Variants in FBLN5 observed in about 807,000 individuals in gnomAD.
FBLN5 encodes the protein fibulin-5.
In FBLN5, 24 loss-of-function variants were observed where a neutral mutation model predicts 61.6. That is an observed-to-expected ratio of 0.39 (90% CI 0.28 to 0.55). The LOEUF is 0.55. Ranked by LOEUF, FBLN5 falls within the 20% of genes least tolerant of loss-of-function variation. FBLN5 has a pLI of 0.65. For synonymous variants in FBLN5, 213 were observed against 219.8 expected (o/e 0.97, Z 0.27); for missense variants, 470 against 594.1 (o/e 0.79, Z 2.17).
At chr14:91,881,235 C>G in intron 9 of FBLN5, 57 bp downstream of exon 9, 1 of 1,609,018 alleles carries the variant, frequency 6.2e-7, no homozygotes, top group Non-Finnish European at 8.5e-7. Flanking sequence ...ACACCTCCAA[C>G]CTCCTGAGCC....
At chr14:91,936,821 G>A in intron 4 of FBLN5, 126 bp downstream of exon 4, 1 of 1,119,990 alleles carries the variant, frequency 8.9e-7, no homozygotes. Flanking sequence ...AGTATGCAGA[G>A]AGTAAGTCAT....
chr14:91,882,688 C>A lies in FBLN5; in HGVS notation c.862+266G>T, dbSNP rs1374501520. Reference sequence around the variant, plus strand: ...GGAGGCAGAAAGCCACGCTTAGAGGCTGCCGTCTGCATCTGCAGAGTTCAT... The same window carrying A: ...GGAGGCAGAAAGCCACGCTTAGAGGATGCCGTCTGCATCTGCAGAGTTCAT... On this transcript the variant is annotated intron_variant, in intron 8 of 10. Coordinates refer to ENST00000342058, the MANE Select transcript of FBLN5 (RefSeq NM_006329.4). This position sits in a 1 kb window ranked among gnomAD's most constrained non-coding sequence, Gnocchi z 4.9. 6.6e-6 allele frequency among the ~76,000 whole-genome samples: 1 copy of A among 152,220 alleles called. No homozygotes were observed. Among genetic ancestry groups the A allele is most frequent in the Admixed American group, 6.5e-5 (1 of 15,284 alleles).
chr14:91,895,574 G>A (rs1474663217), intron 4 of FBLN5, among the ~76,000 whole-genome samples: 2 of 151,930 alleles, frequency 1.3e-5, no homozygotes, highest in Admixed American at 1.3e-4. Context: ...TGAGATGGGT[G>A]GATCATCTGA....
chr14:91,903,446 A>G (rs1290640038), intron 4 of FBLN5, among the ~76,000 whole-genome samples: 1 of 152,218 alleles, frequency 6.6e-6, no homozygotes, highest in Non-Finnish European at 1.5e-5. Flanking sequence ...AGGAGAAAGG[A>G]CAACATACTT....
chr14:91,911,236 C>T (rs1169426813), intron 4 of FBLN5, among the ~76,000 whole-genome samples: 1 of 152,192 alleles, frequency 6.6e-6, no homozygotes. Context: ...CCGCCCACCT[C>T]AGCCTCCCAA....
rs1194061735 is a variant in FBLN5 at position 91,929,232 on chromosome 14, T to TC, written c.379+7714dup. Among the ~76,000 whole-genome samples, 3 of 152,158 alleles carry TC rather than the reference T, an allele frequency of 2.0e-5. No individual in the cohort carries two copies. In the East Asian group the frequency reaches 5.8e-4, roughly 29 times the overall value. On this transcript the variant is annotated intron_variant, in intron 4 of 10. Transcript: ENST00000342058. The stretch of plus-strand genomic sequence containing the variant: ...AGGTTTCAAAACATTTCAAAATACT[T>TC]CCAAGTATTTCAAAATAACTGCCAC...
chr14:91,884,308 C>T lies in FBLN5; in HGVS notation c.740-1232G>A, dbSNP rs542632406. Among the ~76,000 whole-genome samples, 9 of 152,280 alleles carry T rather than the reference C, an allele frequency of 5.9e-5. No homozygotes were observed. In the East Asian group the frequency reaches 1.4e-3, roughly 23 times the overall value. On this transcript the variant is annotated intron_variant, in intron 7 of 10. Coordinates refer to ENST00000342058, the MANE Select transcript of FBLN5 (RefSeq NM_006329.4). ...TCAGGTAATATCTGATTTGGTTGTG[C>T]CTCCCCGCCTCCCCTAGAAGCCTTG...
At chr14:91,908,559 T>C (rs917744369) in intron 4 of FBLN5, among the ~76,000 whole-genome samples, 5 of 152,180 alleles carry the variant, frequency 3.3e-5, no homozygotes, top group African/African-American at 1.2e-4. Flanking sequence ...CCCAGAGCCC[T>C]GAAAGGAGGA....
chr14:91,883,353 T>C lies in FBLN5; in HGVS notation c.740-277A>G, dbSNP rs567197040. Among the ~76,000 whole-genome samples the C allele has an allele frequency of 3.3e-5, 5 of 152,240 alleles. No homozygotes were observed. The East Asian group carries it at 9.6e-4, about 29-fold the overall frequency. ...CGAGCTTTCAACATCTGCCTCTCACTCGGCTGCACCTTCCATTCATTATAA... is the reference window on the plus strand; with the variant it reads ...CGAGCTTTCAACATCTGCCTCTCACCCGGCTGCACCTTCCATTCATTATAA... On this transcript the variant is annotated intron_variant, in intron 7 of 10. Coordinates refer to ENST00000342058, the MANE Select transcript of FBLN5 (RefSeq NM_006329.4).
At chr14:91,913,873 T>C (rs1279385134) in intron 4 of FBLN5, among the ~76,000 whole-genome samples, 3 of 152,142 alleles carry the variant, frequency 2.0e-5, no homozygotes, top group African/African-American at 7.2e-5. Flanking sequence ...CACCACTAAA[T>C]AAATCATGGA....
In FBLN5 at chr14:91,940,900, T is replaced by A. The variant is rs1372260639; in HGVS notation, c.73-284A>T. 3.3e-5 allele frequency among the ~76,000 whole-genome samples: 5 copies of A among 152,212 alleles called. No homozygotes were observed. The East Asian group carries it at 9.7e-4, about 29-fold the overall frequency. On this transcript the variant is annotated intron_variant, in intron 2 of 10. Coordinates refer to ENST00000342058, the MANE Select transcript of FBLN5 (RefSeq NM_006329.4). ...AGGAAGGATTTCTTGAGCCCAGGAT[T>A]TTGAGACCGCCCTCAAGACCCCATC...
At chr14:91,895,559 G>A (rs1890187317) in intron 4 of FBLN5, among the ~76,000 whole-genome samples, 1 of 152,024 alleles carries the variant, frequency 6.6e-6, no homozygotes, top group Non-Finnish European at 1.5e-5. Context: ...AGCACTTTGG[G>A]AGGCTGAGAT....
chr14:91,875,626 C>T lies in FBLN5; in HGVS notation c.1185+1861G>A, dbSNP rs544531712. On this transcript the variant is annotated intron_variant, in intron 10 of 10. Transcript: ENST00000342058. Reference sequence around the variant, plus strand: ...AATGCCTGGTTACAATGGCTACAATCGGGGAGGAGCCTCACTCTTCCAGCC... The same window carrying T: ...AATGCCTGGTTACAATGGCTACAATTGGGGAGGAGCCTCACTCTTCCAGCC... Among the ~76,000 whole-genome samples the T allele has an allele frequency of 4.6e-5, 7 of 152,264 alleles. No individual in the cohort carries two copies. The East Asian group carries it at 1.2e-3, about 25-fold the overall frequency.
In FBLN5 at chr14:91,917,575, CAAAAAAAA is replaced by C. The variant is rs34458933; in HGVS notation, c.379+19364_379+19371del. On this transcript the variant is annotated intron_variant, in intron 4 of 10. Transcript: ENST00000342058. ...TGGGTGACAGAGTGAGACTCCATCTCAAAAAAAAAAAAAAAAAAAAAAAAAGAAAGAAA... is the reference window on the plus strand; with the variant it reads ...TGGGTGACAGAGTGAGACTCCATCTCAAAAAAAAAAAAAAAAAGAAAGAAA... Among the ~76,000 whole-genome samples the C allele has an allele frequency of 4.2e-3, 268 of 63,492 alleles. 1 individual carries two copies. The highest frequency in any genetic ancestry group is 0.016 in the African/African-American group (244 of 15,136). 41.7% of individuals were successfully genotyped at this position (63,492 alleles called of 152,430 possible). A position where few individuals can be genotyped will look rare whatever the true frequency, so the allele number is the denominator to read the frequency against.
In FBLN5 at chr14:91,894,071, C is replaced by T. The variant is rs555071529; in HGVS notation, c.502+879G>A. ...GGAAGAAAGTCAAGGTAAAATCAAA[C>T]TTAAAAAATACATCCAAAACCATAG... On this transcript the variant is annotated intron_variant, in intron 5 of 10. Transcript: ENST00000342058. 3.3e-5 allele frequency among the ~76,000 whole-genome samples: 5 copies of T among 152,328 alleles called. No homozygotes were observed. The East Asian group carries it at 9.7e-4, about 29-fold the overall frequency.
chr14:91,894,422 AAAAAAC>A (rs1289356489), intron 5 of FBLN5, among the ~76,000 whole-genome samples: 4 of 146,384 alleles, frequency 2.7e-5, no homozygotes, highest in East Asian at 2.0e-4. Context: ...AAAAAAAAAA[AAAAAAC>A]CGAAAAAAAC....
At position 91,891,295 on chromosome 14, in the gene FBLN5, G is replaced by A. The variant is rs1052990296; in HGVS notation, c.545C>T (p.Ala182Val). ...ACAAGAATAGGATCCAGGAACATTCGCACAGAGCTGCTGGCAGTAACCATA... is the reference window on the plus strand; with the variant it reads ...ACAAGAATAGGATCCAGGAACATTCACACAGAGCTGCTGGCAGTAACCATA... ...CRYGYCQQLC[A>V]NVPGSYSCTC... The change falls in exon 6 of 11, where the codon GCG becomes GTG. Residue 182 changes from alanine to valine, a missense_variant. Transcript: ENST00000342058. 2.5e-6 allele frequency: 4 copies of A among 1,613,840 alleles called. No individual in the cohort carries two copies. In the Admixed American group the frequency reaches 5.0e-5, roughly 20 times the overall value.
chr14:91,873,506 G>A (rs2267989), intron 10 of FBLN5: 57,800 of 152,360 alleles, frequency 0.38, 12,528 homozygotes, highest in East Asian at 0.53. Context: ...CCATCCCATG[G>A]GTCTTGACTT....
Position 91,875,022 on chromosome 14 carries a change from G to T in FBLN5, c.1185+2465C>A, listed in dbSNP as rs575146580. On this transcript the variant is annotated intron_variant, in intron 10 of 10. Coordinates refer to ENST00000342058, the MANE Select transcript of FBLN5 (RefSeq NM_006329.4). ...TTTAATCTTTTTTTGTAGAGACAGGGTCTCACTATGTTGCCCAGGCTGGAC... is the reference window on the plus strand; with the variant it reads ...TTTAATCTTTTTTTGTAGAGACAGGTTCTCACTATGTTGCCCAGGCTGGAC... 2.6e-5 allele frequency among the ~76,000 whole-genome samples: 4 copies of T among 152,098 alleles called. No individual in the cohort carries two copies. In the South Asian group the frequency reaches 8.3e-4, roughly 32 times the overall value.
Sources: gnomAD v4.1 joint callset for allele counts (sites outside exome capture counted in the v4.1 genomes callset) on GRCh38, gnomAD v4.1.1 for gene constraint, Gnocchi (gnomAD v3.1) non-coding constraint, MANE v1.5 for transcripts, NCBI Gene and HGNC (gene_info 2026-07-23, HGNC 2026-07-21) for gene names.